Variants in THSD7B observed in about 807,000 individuals in gnomAD.
THSD7B encodes thrombospondin type-1 domain-containing protein 7B.
A neutral mutation model predicts 213.6 loss-of-function variants in THSD7B; 138 were observed. The observed-to-expected ratio is 0.65, with a 90% CI of 0.56 to 0.74. The LOEUF is 0.74. Ranked by LOEUF, THSD7B falls within the 30% of genes least tolerant of loss-of-function variation. THSD7B has a pLI of 0.00. For synonymous variants in THSD7B, 742 were observed against 687.0 expected, an observed-to-expected ratio of 1.08 and a Z score of -1.25; for missense variants, 1,931 against 1,991.5, an observed-to-expected ratio of 0.97 and a Z score of 0.58.
intron 15 of THSD7B, among the ~76,000 whole-genome samples, chr2:137,470,654 C>T (rs1242935826): frequency 1.3e-5 from 2 of 152,154 alleles, no homozygotes; most frequent in African/African-American, 4.8e-5. Flanking sequence ...GGCCAGCTCT[C>T]AGCTACAGAA....
chr2:137,322,620 CTGTA>C (rs1334187769), intron 12 of THSD7B, among the ~76,000 whole-genome samples: 3 of 152,218 alleles, frequency 2.0e-5, no homozygotes. Flanking sequence ...GCATCCTTAA[CTGTA>C]CCCTTCTTCA....
At chr2:137,223,900 C>CTG in intron 7 of THSD7B, among the ~76,000 whole-genome samples, 1 of 151,690 alleles carries the variant, frequency 6.6e-6, no homozygotes, top group Admixed American at 6.6e-5. Context: ...AGTATCCTCC[C>CTG]ACCCCCGCTT....
At chr2:136,994,389 A>G (rs1264445111) in intron 2 of THSD7B, among the ~76,000 whole-genome samples, 1 of 151,926 alleles carries the variant, frequency 6.6e-6, no homozygotes, top group Non-Finnish European at 1.5e-5. Flanking sequence ...ACACGGTGAA[A>G]CCCCGTCTCT....
chr2:137,369,529 G>C (rs913133765), intron 12 of THSD7B, among the ~76,000 whole-genome samples: 2 of 152,176 alleles, frequency 1.3e-5, no homozygotes, highest in African/African-American at 4.8e-5. Flanking sequence ...TTAAATCCAA[G>C]ATTATATTTG....
chr2:136,962,403 CTTTTT>C (rs71400559), intron 2 of THSD7B, among the ~76,000 whole-genome samples: 31 of 100,178 alleles, frequency 3.1e-4, no homozygotes, highest in South Asian at 7.2e-4. Context: ...AATCTGTTAT[CTTTTT>C]TTTTTTTTTT....
intron 15 of THSD7B, among the ~76,000 whole-genome samples, chr2:137,492,953 C>G (rs1573659023): frequency 6.6e-6 from 1 of 151,204 alleles, no homozygotes; most frequent in South Asian, 2.1e-4. Context: ...AACCCCGTCT[C>G]TACTAAAAAT....
rs1369446723 is a variant in THSD7B, at chr2:137,069,928, T to C, written c.950+12698T>C. The stretch of plus-strand genomic sequence containing the variant: ...AACTATATATCTGTGGAAATATATA[T>C]GTAGTTGTTTTGTTGTTGTGTTGGT... On this transcript the variant is annotated intron_variant, in intron 3 of 27. Transcript: ENST00000409968. Among the ~76,000 whole-genome samples the C allele has an allele frequency of 3.3e-5, 5 of 151,324 alleles. No individual in the cohort carries two copies. In the East Asian group the frequency reaches 5.8e-4, roughly 18 times the overall value.
intron 15 of THSD7B, among the ~76,000 whole-genome samples, chr2:137,525,871 C>A (rs1680267874): frequency 6.6e-6 from 1 of 152,040 alleles, no homozygotes; most frequent in African/African-American, 2.4e-5. Flanking sequence ...GTCATACATC[C>A]CCATTTAGGA....
intron 3 of THSD7B, among the ~76,000 whole-genome samples, chr2:137,079,582 T>A (rs965201861): frequency 6.6e-6 from 1 of 152,190 alleles, no homozygotes; most frequent in Non-Finnish European, 1.5e-5. Context: ...CATCCCTTTA[T>A]TTTTAGCCTT....
chr2:137,512,797 A>G (rs10928616), intron 15 of THSD7B, among the ~76,000 whole-genome samples: 79,968 of 151,884 alleles, frequency 0.53, 21,568 homozygotes, highest in African/African-American at 0.63. Flanking sequence ...ACATGTAGTA[A>G]TTCTTTTTAT....
At chr2:137,385,354 G>A (rs529621943) in intron 12 of THSD7B, among the ~76,000 whole-genome samples, 32 of 152,216 alleles carry the variant, frequency 2.1e-4, no homozygotes, top group African/African-American at 7.5e-4. Context: ...CAGCAAGAGG[G>A]CACCTGCCCT....
intron 3 of THSD7B, among the ~76,000 whole-genome samples, chr2:137,085,634 T>C (rs1193718371): frequency 1.3e-5 from 2 of 152,156 alleles, no homozygotes; most frequent in African/African-American, 2.4e-5. Flanking sequence ...AAAAGTTATA[T>C]AGGTTAAATA....
intron 12 of THSD7B, among the ~76,000 whole-genome samples, chr2:137,391,424 C>T (rs1350911283): frequency 6.6e-6 from 1 of 152,112 alleles, no homozygotes; most frequent in East Asian, 1.9e-4. Flanking sequence ...TGCAGTGGCT[C>T]ATGCCTGTAA....
chr2:136,882,726 T>C (rs1683646945), intron 2 of THSD7B, among the ~76,000 whole-genome samples: 1 of 152,332 alleles, frequency 6.6e-6, no homozygotes, highest in African/African-American at 2.4e-5. Flanking sequence ...TTAAATGCTT[T>C]CCAGCATAGA....
intron 7 of THSD7B, among the ~76,000 whole-genome samples, chr2:137,224,577 A>G (rs572106770): frequency 2.6e-5 from 4 of 152,300 alleles, no homozygotes; most frequent in Admixed American, 2.6e-4. Flanking sequence ...ACTGATATTA[A>G]TGCTTTGAGG....
chr2:136,853,038 ATG>A (rs1170600727), intron 1 of THSD7B, among the ~76,000 whole-genome samples: 1 of 151,102 alleles, frequency 6.6e-6, no homozygotes, highest in East Asian at 1.9e-4. Context: ...GTGTGTGTGC[ATG>A]TGTGTGTGTG....
intron 2 of THSD7B, among the ~76,000 whole-genome samples, chr2:136,919,563 G>A (rs1013797957): frequency 6.6e-6 from 1 of 152,204 alleles, no homozygotes; most frequent in African/African-American, 2.4e-5. Flanking sequence ...TGGCAGGCAG[G>A]ATTATTAAAA....
At chr2:137,564,961 G>C (rs1681204567) in intron 16 of THSD7B, among the ~76,000 whole-genome samples, 1 of 152,098 alleles carries the variant, frequency 6.6e-6, no homozygotes, top group Admixed American at 6.6e-5. Flanking sequence ...CTTTAAAGAA[G>C]TAATTAAGGT....
At chr2:136,902,037 C>T (rs567965764) in intron 2 of THSD7B, among the ~76,000 whole-genome samples, 1 of 152,316 alleles carries the variant, frequency 6.6e-6, no homozygotes, top group South Asian at 2.1e-4. Flanking sequence ...CACTGATATT[C>T]GATACCCTGG....
Sources: allele counts gnomAD v4.1 joint callset (sites outside exome capture counted in the v4.1 genomes callset), GRCh38; gene constraint gnomAD v4.1.1; transcripts MANE v1.5; gene names NCBI Gene and HGNC (gene_info 2026-07-23, HGNC 2026-07-21).